DZANK1: variants seen among roughly 807,000 people sequenced by gnomAD.
The protein encoded by DZANK1 is double zinc ribbon and ankyrin repeat-containing protein 1.
DZANK1 carries 91 observed loss-of-function variants against 94.5 expected under a neutral mutation model. The observed-to-expected ratio is 0.96, with a 90% confidence interval of 0.81 to 1.15. The LOEUF (loss-of-function observed/expected upper bound fraction) is 1.15, where lower values mean the gene tolerates loss of function less well. Ranked by LOEUF, DZANK1 falls within the 50% of genes most tolerant of loss-of-function variation. The probability of loss-of-function intolerance (pLI) is 0.00; values close to 1 mark genes in which losing one functional copy is unlikely to be tolerated. For synonymous variants in DZANK1, 312 were observed against 325.3 expected (o/e 0.96, Z 0.44); for missense variants, 903 against 916.4 (o/e 0.99, Z 0.19).
chr20:18,436,097 G>A (rs2058510211), intron 8 of DZANK1, among the ~76,000 whole-genome samples: 2 of 152,056 alleles, frequency 1.3e-5, no homozygotes, highest in Non-Finnish European at 2.9e-5. Flanking sequence ...TTTACATGCT[G>A]GATTTAGTAG....
chr20:18,403,796 CTTTT>C (rs35824877), intron 13 of DZANK1, among the ~76,000 whole-genome samples: 1 of 111,736 alleles, frequency 8.9e-6, no homozygotes, highest in East Asian at 2.9e-4. Flanking sequence ...AACTTTCTTT[CTTTT>C]TTTTTTTTTT....
chr20:18,398,748 T>G, intron 13 of DZANK1, 122 bp from the exon 14 acceptor site: 1 of 920,702 alleles, frequency 1.1e-6, no homozygotes, highest in Non-Finnish European at 1.7e-6. Context: ...TGTGATGGAC[T>G]TTCCTTAGTG....
At chr20:18,427,185 A>G in intron 9 of DZANK1, 26 bp from the exon 10 acceptor site, 2 of 1,569,680 alleles carry the variant, frequency 1.3e-6, no homozygotes, top group Non-Finnish European at 8.8e-7. Flanking sequence ...TAAGACATAC[A>G]TGTTCCTCTG....
intron 14 of DZANK1, 103 bp downstream of exon 14, chr20:18,398,420 G>A: frequency 1.0e-6 from 1 of 998,910 alleles, no homozygotes; most frequent in Non-Finnish European, 1.6e-6. Flanking sequence ...GAGCAGGAAA[G>A]GGAAAGGAGC....
exon 19 of DZANK1, chr20:18,389,723 C>T: frequency 6.2e-7 from 1 of 1,613,922 alleles, no homozygotes. Context: ...TGGTCGATGT[C>T]TGCTCCTCTC....
intron 9 of DZANK1, chr20:18,428,818 A>G (rs927338347): frequency 6.7e-6 from 1 of 149,852 alleles, no homozygotes; most frequent in African/African-American, 2.5e-5. Context: ...CACTACCACC[A>G]GGTAGCTCTA....
intron 18 of DZANK1, 148 bp from the exon 19 acceptor site, chr20:18,389,976 T>A: frequency 8.0e-7 from 1 of 1,245,924 alleles, no homozygotes; most frequent in Non-Finnish European, 1.1e-6. Flanking sequence ...ATCAGGAACC[T>A]CAAGACCTGA....
intron 8 of DZANK1, among the ~76,000 whole-genome samples, chr20:18,440,624 C>T (rs1202770812): frequency 6.6e-6 from 1 of 152,178 alleles, no homozygotes; most frequent in African/African-American, 2.4e-5. Flanking sequence ...AAACCACCCA[C>T]AACCCCCTGT....
intron 13 of DZANK1, among the ~76,000 whole-genome samples, chr20:18,405,542 T>C (rs1352229013): frequency 6.6e-6 from 1 of 152,074 alleles, no homozygotes; most frequent in Non-Finnish European, 1.5e-5. Context: ...GAAAAAAATA[T>C]TTGAAGAGAT....
At chr20:18,387,197 ATCT>A (rs2048549781) in intron 19 of DZANK1, among the ~76,000 whole-genome samples, 2 of 152,214 alleles carry the variant, frequency 1.3e-5, no homozygotes, top group Admixed American at 1.3e-4. Context: ...TAGACTTAAG[ATCT>A]TCTTTCTTCA....
At chr20:18,413,183 C>T (rs554823424) in intron 12 of DZANK1, 3 of 315,610 alleles carry the variant, frequency 9.5e-6, no homozygotes, top group African/African-American at 4.3e-5. Flanking sequence ...CACTCAGCCA[C>T]TGGTCACCAA....
chr20:18,420,573 TA>T, intron 10 of DZANK1: 1 of 230,372 alleles, frequency 4.3e-6, no homozygotes. Flanking sequence ...ACATACTCCC[TA>T]CTGACCACAA....
chr20:18,397,660 G>T (rs2056421402), intron 14 of DZANK1, among the ~76,000 whole-genome samples: 1 of 152,202 alleles, frequency 6.6e-6, no homozygotes, highest in Non-Finnish European at 1.5e-5. Context: ...GAGATAGCTT[G>T]TCTTTGCTCC....
intron 11 of DZANK1, 88 bp downstream of exon 11, chr20:18,415,239 T>A: frequency 7.7e-7 from 1 of 1,299,198 alleles, no homozygotes; most frequent in Non-Finnish European, 9.9e-7. Context: ...AGAAGTGATT[T>A]CTGCAAGGCC....
intron 8 of DZANK1, among the ~76,000 whole-genome samples, chr20:18,439,288 T>G (rs1236557865): frequency 6.6e-6 from 1 of 152,182 alleles, no homozygotes; most frequent in East Asian, 1.9e-4. Context: ...ACTTATGATA[T>G]GTACTTGCAA....
intron 2 of DZANK1, among the ~76,000 whole-genome samples, chr20:18,464,611 AT>A (rs1482284221): frequency 1.3e-5 from 2 of 150,968 alleles, no homozygotes; most frequent in African/African-American, 4.9e-5. Flanking sequence ...AGTAGGTCAA[AT>A]TTATTATACC....
chr20:18,436,151 C>G lies in DZANK1; in HGVS notation c.748-2386G>C, dbSNP rs78197698. Among the ~76,000 whole-genome samples, 552 of 152,094 alleles carry G rather than the reference C, an allele frequency of 3.6e-3. 3 individuals are homozygous for G. The highest frequency in any genetic ancestry group is 0.012 in the African/African-American group (516 of 41,486). On this transcript the variant is annotated intron_variant, in intron 8 of 20. Transcript: ENST00000262547. ...CTATTTTTAAAAAATGTTCAAAGAA[C>G]TAAAGGAAACCACATTTGATAAAAA... is the stretch of plus-strand genomic sequence containing the variant.
At chr20:18,443,254 T>C (rs1171940712) in intron 8 of DZANK1, 93 bp downstream of exon 8, 8 of 833,904 alleles carry the variant, frequency 9.6e-6, no homozygotes, top group Non-Finnish European at 1.4e-5. Flanking sequence ...AGTATTTATA[T>C]GTGCAGTTCA....
chr20:18,426,297 C>T (rs1259898283), intron 10 of DZANK1, among the ~76,000 whole-genome samples: 1 of 152,170 alleles, frequency 6.6e-6, no homozygotes, highest in Non-Finnish European at 1.5e-5. Flanking sequence ...CTGAATCCAT[C>T]CCCCAACCAG....
Sources: allele counts gnomAD v4.1 joint callset (sites outside exome capture counted in the v4.1 genomes callset), GRCh38; gene constraint gnomAD v4.1.1; transcripts MANE v1.5; gene names NCBI Gene and HGNC (gene_info 2026-07-23, HGNC 2026-07-21).